Variants in ANGPT1 observed in about 807,000 individuals in gnomAD.
ANGPT1 encodes the protein angiopoietin-1.
A neutral mutation model predicts 62.2 loss-of-function variants in ANGPT1; 17 were observed. The observed-to-expected ratio is 0.27, with a 90% confidence interval of 0.19 to 0.41. ANGPT1 has a LOEUF of 0.41. ANGPT1 is among the 10% of genes least tolerant of loss of function. ANGPT1 has a pLI of 1.00. For missense variants in ANGPT1, 478 were observed against 594.9 expected (o/e 0.80, Z 2.04); for synonymous variants, 199 against 198.9 (o/e 1.00, Z 0.00).
intron 1 of ANGPT1, among the ~76,000 whole-genome samples, chr8:107,355,934 T>A (rs1816035896): frequency 6.6e-6 from 1 of 152,190 alleles, no homozygotes; most frequent in South Asian, 2.1e-4. Context: ...TTCAACTTGG[T>A]ACCACTTCCT....
chr8:107,350,844 G>A (rs957888841), intron 1 of ANGPT1, among the ~76,000 whole-genome samples: 10 of 152,126 alleles, frequency 6.6e-5, no homozygotes, highest in African/African-American at 9.6e-5. Context: ...TATACAATGT[G>A]TGATTAATAA....
rs185308208 is a variant in ANGPT1 at position 107,453,908 on chromosome 8, T to A, written c.297+43354A>T. Among the ~76,000 whole-genome samples, 36 of 152,084 alleles carry A rather than the reference T, an allele frequency of 2.4e-4. No individual in the cohort carries two copies. The East Asian group carries it at 5.4e-3, about 23-fold the overall frequency. On this transcript the variant is annotated intron_variant, in intron 1 of 8. Coordinates refer to ENST00000517746, the MANE Select transcript of ANGPT1 (RefSeq NM_001146.5). ...GCCATTTATAGAGTCACCATAGTTT[T>A]AAAAAATAAATTCACACATCTGTGA... is the stretch of plus-strand genomic sequence containing the variant.
At chr8:107,455,579 T>C (rs1420056921) in intron 1 of ANGPT1, among the ~76,000 whole-genome samples, 1 of 152,078 alleles carries the variant, frequency 6.6e-6, no homozygotes, top group Admixed American at 6.6e-5. Context: ...ATCATGTATC[T>C]TGTTGAACCA....
At chr8:107,381,313 A>G (rs1463193065) in intron 1 of ANGPT1, among the ~76,000 whole-genome samples, 1 of 152,286 alleles carries the variant, frequency 6.6e-6, no homozygotes, top group African/African-American at 2.4e-5. Flanking sequence ...TAAAAGCAAC[A>G]CTGTGTGTGC....
chr8:107,369,317 G>A (rs951456123), intron 1 of ANGPT1, among the ~76,000 whole-genome samples: 1 of 152,180 alleles, frequency 6.6e-6, no homozygotes, highest in Non-Finnish European at 1.5e-5. Flanking sequence ...TAGAATTGAA[G>A]AGAGTTACGC....
chr8:107,277,708 T>A (rs1168356758), intron 7 of ANGPT1, among the ~76,000 whole-genome samples: 1 of 152,236 alleles, frequency 6.6e-6, no homozygotes, highest in African/African-American at 2.4e-5. Context: ...CAATATCATT[T>A]ATTTAGTATT....
At chr8:107,485,215 C>G (rs575121680) in intron 1 of ANGPT1, among the ~76,000 whole-genome samples, 3 of 152,318 alleles carry the variant, frequency 2.0e-5, no homozygotes, top group African/African-American at 7.2e-5. Flanking sequence ...GCACACCACA[C>G]ATTGCTTGTG....
At chr8:107,312,680 T>C (rs1814904296) in intron 4 of ANGPT1, among the ~76,000 whole-genome samples, 1 of 152,136 alleles carries the variant, frequency 6.6e-6, no homozygotes. Context: ...CACCGGTTAT[T>C]AGGAGTGACA....
At chr8:107,476,584 T>G (rs542759860) in intron 1 of ANGPT1, among the ~76,000 whole-genome samples, 14 of 148,918 alleles carry the variant, frequency 9.4e-5, no homozygotes, top group Admixed American at 2.0e-4. Context: ...ACTTAAAGTA[T>G]AATAATAAAT....
At chr8:107,442,318 G>A (rs1446277707) in intron 1 of ANGPT1, among the ~76,000 whole-genome samples, 2 of 152,200 alleles carry the variant, frequency 1.3e-5, no homozygotes, top group Non-Finnish European at 2.9e-5. Context: ...TGGGCAAAGA[G>A]TAGTTTAGAC....
chr8:107,386,195 T>C, intron 1 of ANGPT1, among the ~76,000 whole-genome samples: 1 of 151,872 alleles, frequency 6.6e-6, no homozygotes, highest in East Asian at 1.9e-4. Flanking sequence ...AAACACTGAG[T>C]ACATGTGGAC....
At chr8:107,288,289 T>C (rs1395450506) in intron 6 of ANGPT1, among the ~76,000 whole-genome samples, 2 of 152,172 alleles carry the variant, frequency 1.3e-5, no homozygotes, top group African/African-American at 2.4e-5. Flanking sequence ...CACAGACTAC[T>C]TTCTTATTCT....
At chr8:107,395,702 G>C (rs1816921506) in intron 1 of ANGPT1, among the ~76,000 whole-genome samples, 1 of 152,128 alleles carries the variant, frequency 6.6e-6, no homozygotes, top group Non-Finnish European at 1.5e-5. Flanking sequence ...AAAATATGGA[G>C]AATTATTTAT....
At chr8:107,446,770 G>A (rs1250063794) in intron 1 of ANGPT1, among the ~76,000 whole-genome samples, 1 of 152,122 alleles carries the variant, frequency 6.6e-6, no homozygotes, top group Non-Finnish European at 1.5e-5. Flanking sequence ...TATGGGAGAT[G>A]GATTTAAATA....
At chr8:107,383,847 G>A (rs921914152) in intron 1 of ANGPT1, among the ~76,000 whole-genome samples, 3 of 152,142 alleles carry the variant, frequency 2.0e-5, no homozygotes, top group Non-Finnish European at 4.4e-5. Flanking sequence ...CTTTTCAGGA[G>A]CTGATAGAGA....
intron 1 of ANGPT1, among the ~76,000 whole-genome samples, chr8:107,465,798 T>C (rs1238382894): frequency 6.6e-6 from 1 of 152,170 alleles, no homozygotes; most frequent in Non-Finnish European, 1.5e-5. Context: ...AAATACAATT[T>C]TGGGCAAGAG....
At chr8:107,257,879 T>TG (rs1563537215) in intron 8 of ANGPT1, among the ~76,000 whole-genome samples, 3 of 68,656 alleles carry the variant, frequency 4.4e-5, no homozygotes, top group African/African-American at 1.6e-4. Context: ...TGTTTTTGTT[T>TG]CTTTTTTGTT....
intron 1 of ANGPT1, among the ~76,000 whole-genome samples, chr8:107,454,764 A>C (rs1811871719): frequency 6.6e-6 from 1 of 152,092 alleles, no homozygotes; most frequent in Non-Finnish European, 1.5e-5. Context: ...AACTCACAGT[A>C]GTATTTATTT....
intron 2 of ANGPT1, among the ~76,000 whole-genome samples, chr8:107,337,703 A>C (rs1360771353): frequency 6.6e-6 from 1 of 152,190 alleles, no homozygotes; most frequent in Non-Finnish European, 1.5e-5. Context: ...TATCAATGTA[A>C]AGTTCCTCTA....
Sources: gnomAD v4.1 joint callset for allele counts (sites outside exome capture counted in the v4.1 genomes callset) on GRCh38, gnomAD v4.1.1 for gene constraint, MANE v1.5 for transcripts, NCBI Gene and HGNC (gene_info 2026-07-23, HGNC 2026-07-21) for gene names.